Variants in CCDC192 observed in about 807,000 individuals in gnomAD.
CCDC192 encodes coiled-coil domain-containing protein 192.
chr5:127,937,480 C>T (rs1367661084), intron 6 of CCDC192, among the ~76,000 whole-genome samples: 1 of 152,176 alleles, frequency 6.6e-6, no homozygotes, highest in Non-Finnish European at 1.5e-5. Flanking sequence ...GTTTTGGTCT[C>T]TCTCTTTCTG....
intron 5 of CCDC192, among the ~76,000 whole-genome samples, chr5:127,839,806 A>G (rs1750204627): frequency 1.3e-5 from 2 of 152,084 alleles, no homozygotes; most frequent in South Asian, 4.1e-4. Flanking sequence ...ATATATATAT[A>G]TATGATCCTT....
chr5:127,877,743 C>A (rs550435407), intron 6 of CCDC192, among the ~76,000 whole-genome samples: 283 of 152,282 alleles, frequency 1.9e-3, no homozygotes, highest in African/African-American at 6.2e-3. Context: ...CTTTAATACA[C>A]AATGACCCCT....
At chr5:127,837,700 C>T (rs1750087811) in intron 5 of CCDC192, among the ~76,000 whole-genome samples, 2 of 152,172 alleles carry the variant, frequency 1.3e-5, no homozygotes, top group Admixed American at 6.6e-5. Context: ...AAGAATTAGA[C>T]CAGATTCTGG....
At chr5:127,934,326 G>A (rs1754131800) in intron 6 of CCDC192, among the ~76,000 whole-genome samples, 1 of 152,114 alleles carries the variant, frequency 6.6e-6, no homozygotes. Context: ...ACTATTATAA[G>A]ACTGATCTTC....
chr5:127,872,372 T>C (rs1751899754), intron 5 of CCDC192, among the ~76,000 whole-genome samples: 1 of 152,244 alleles, frequency 6.6e-6, no homozygotes. Flanking sequence ...AACCTTCTTA[T>C]CTAGCTTCTC....
intron 3 of CCDC192, among the ~76,000 whole-genome samples, chr5:127,766,890 T>A (rs1448769367): frequency 6.6e-6 from 1 of 152,196 alleles, no homozygotes; most frequent in Non-Finnish European, 1.5e-5. Flanking sequence ...CACTTCCTGC[T>A]TTAAAATTCA....
At chr5:127,726,145 A>G (rs1458734496) in intron 2 of CCDC192, among the ~76,000 whole-genome samples, 1 of 152,136 alleles carries the variant, frequency 6.6e-6, no homozygotes, top group Non-Finnish European at 1.5e-5. Flanking sequence ...TGATAATTGC[A>G]AGATAGAATA....
chr5:127,847,285 T>A (rs1034040238), intron 5 of CCDC192, among the ~76,000 whole-genome samples: 8 of 152,332 alleles, frequency 5.3e-5, no homozygotes, highest in Admixed American at 2.0e-4. Context: ...AAATCAAAAT[T>A]ATTTTTCACA....
Position 127,816,811 on chromosome 5 carries a change from G to A in CCDC192, c.411+18649G>A, listed in dbSNP as rs147009240. ...GGGGAAATAACCAAGCTTAGGAAAA[G>A]TGTTCAAAGATGGTTGGCAGGCAAA... On this transcript the variant is annotated intron_variant, in intron 5 of 6. Coordinates refer to ENST00000514853, the MANE Select transcript of CCDC192 (RefSeq NM_001317938.2). Among the ~76,000 whole-genome samples, 480 of 152,304 alleles carry A rather than the reference G, an allele frequency of 3.2e-3. 2 individuals carry two copies. The highest frequency in any genetic ancestry group is 7.2e-3 in the Admixed American group (110 of 15,294).
intron 6 of CCDC192, among the ~76,000 whole-genome samples, chr5:127,932,945 G>T (rs1754082510): frequency 6.6e-6 from 1 of 152,194 alleles, no homozygotes; most frequent in Non-Finnish European, 1.5e-5. Context: ...AGGCTTCACT[G>T]TGTGAAGGTG....
intron 6 of CCDC192, among the ~76,000 whole-genome samples, chr5:127,904,059 T>G (rs1753131916): frequency 6.6e-6 from 1 of 152,194 alleles, no homozygotes; most frequent in Admixed American, 6.5e-5. Context: ...ACCTGAGTCC[T>G]TAAAAGCAGA....
intron 6 of CCDC192, among the ~76,000 whole-genome samples, chr5:127,912,085 C>A (rs1442396883): frequency 6.7e-6 from 1 of 149,778 alleles, no homozygotes; most frequent in Non-Finnish European, 1.5e-5. Flanking sequence ...CCATGCCCAG[C>A]TAATTTTTTT....
At position 127,797,151 on chromosome 5, in the gene CCDC192, C is replaced by T. The variant is rs939512931; in HGVS notation, c.271C>T (p.Arg91Trp). Reference sequence around the variant, plus strand: ...ATCAAAACTGCTTGAACAAGTATCCCGGCTGGAGGAAAAACTGGAGGCTGT... The same window carrying T: ...ATCAAAACTGCTTGAACAAGTATCCTGGCTGGAGGAAAAACTGGAGGCTGT... ...TKSKLLEQVS[R>W]LEEKLEAVDH... is the part of the protein sequence containing the mutation. The change falls in exon 4 of 7, where the codon CGG becomes TGG. Residue 91 changes from arginine to tryptophan, a missense_variant. Arg to Trp is a moderately radical substitution (Grantham distance 101). Transcript: ENST00000514853. The T allele has an allele frequency of 8.3e-5, 33 of 398,170 alleles. No homozygotes were observed. The highest frequency in any genetic ancestry group is 3.3e-4 in the African/African-American group (16 of 48,536). The allele number at this position is 398,170 out of a possible 1,614,324, so 24.7% of individuals were successfully genotyped here.
At chr5:127,924,695 G>C (rs1472351459) in intron 6 of CCDC192, among the ~76,000 whole-genome samples, 1 of 152,172 alleles carries the variant, frequency 6.6e-6, no homozygotes, top group African/African-American at 2.4e-5. Context: ...TTGAAAAGTG[G>C]CCTGCATGTT....
chr5:127,872,910 A>G (rs1487210989), intron 5 of CCDC192, among the ~76,000 whole-genome samples: 1 of 152,224 alleles, frequency 6.6e-6, no homozygotes, highest in Non-Finnish European at 1.5e-5. Context: ...AATAGTAAGA[A>G]GAGACAGAAC....
intron 2 of CCDC192, among the ~76,000 whole-genome samples, chr5:127,714,609 A>T (rs1299809987): frequency 6.6e-6 from 1 of 152,072 alleles, no homozygotes; most frequent in African/African-American, 2.4e-5. Context: ...ACCTCAAGTG[A>T]TCCATCTGCC....
intron 3 of CCDC192, 21 bp downstream of exon 3, chr5:127,754,396 T>G (rs1329570876): frequency 2.5e-6 from 1 of 398,028 alleles, no homozygotes; most frequent in African/African-American, 2.1e-5. Context: ...TCATGGGAAC[T>G]GGAAACAAAT....
intron 2 of CCDC192, among the ~76,000 whole-genome samples, chr5:127,708,011 TTA>T: frequency 6.6e-6 from 1 of 152,284 alleles, no homozygotes; most frequent in Admixed American, 6.5e-5. Flanking sequence ...ACAGCCTTTC[TTA>T]TTTTGACATG....
At chr5:127,735,845 T>G (rs190043870) in intron 2 of CCDC192, among the ~76,000 whole-genome samples, 1 of 135,326 alleles carries the variant, frequency 7.4e-6, no homozygotes, top group Non-Finnish European at 1.5e-5. Context: ...CAATGGGGTT[T>G]TCTAGATATA....
Sources: gnomAD v4.1 joint callset for allele counts (sites outside exome capture counted in the v4.1 genomes callset) on GRCh38, gnomAD v4.1.1 for gene constraint, MANE v1.5 for transcripts, NCBI Gene and HGNC (gene_info 2026-07-23, HGNC 2026-07-21) for gene names.